The following LRP5 variants were observed in gnomAD, a reference collection of about 807,000 sequenced individuals.
The protein encoded by LRP5 is LDL receptor related protein 5.
Under a neutral mutation model 154.1 loss-of-function variants are expected in LRP5, and 62 were observed. The ratio of observed to expected loss-of-function variants is 0.40; its 90% CI spans 0.33 to 0.50. The LOEUF (loss-of-function observed/expected upper bound fraction) is 0.50, where lower values mean the gene tolerates loss of function less well. Ranked by LOEUF, LRP5 falls within the 20% of genes least tolerant of loss-of-function variation. The pLI, the probability that LRP5 is intolerant of heterozygous loss-of-function variation, is 0.55. For synonymous variants in LRP5, 966 were observed against 1,011.5 expected (o/e 0.96, Z 0.85); for missense variants, 1,915 against 2,336.7 (o/e 0.82, Z 3.72).
At chr11:68,301,493 T>A in the LRP5 span, among the ~76,000 whole-genome samples, 1 of 148,772 alleles carries the variant, frequency 6.7e-6, no homozygotes, top group African/African-American at 2.4e-5. Context: ...AATAAATAAA[T>A]AAAAATAAAT....
chr11:68,439,517 G>T (rs1007735578), intron 20 of LRP5, among the ~76,000 whole-genome samples: 3 of 152,156 alleles, frequency 2.0e-5, no homozygotes, highest in Non-Finnish European at 4.4e-5. Context: ...GTGCTGCCCC[G>T]CCTGGGTTCC....
intron 9 of LRP5, 44 bp from the exon 10 acceptor site, chr11:68,409,870 C>G (rs369683160): frequency 3.0e-6 from 4 of 1,346,494 alleles, no homozygotes; most frequent in Non-Finnish European, 4.3e-6. Flanking sequence ...AAAAAAGATG[C>G]TGGTTCCTAA....
At chr11:68,394,498 C>T (rs572679400) in intron 7 of LRP5, among the ~76,000 whole-genome samples, 50 of 151,300 alleles carry the variant, frequency 3.3e-4, no homozygotes, top group South Asian at 1.3e-3. Flanking sequence ...TGGAGTCTCG[C>T]TCTCTTGCCC....
At position 68,344,615 on chromosome 11, in the gene LRP5, C is replaced by T. The variant is rs111847238; in HGVS notation, c.92-3232C>T. Among the ~76,000 whole-genome samples the T allele has an allele frequency of 4.2e-3, 629 of 151,284 alleles. 6 individuals carry two copies. The highest frequency in any genetic ancestry group is 0.014 in the African/African-American group (558 of 41,226). ...GATGACAGGTGTGAGCCACCGTGCC[C>T]GGCCCAGAACTCTTTAATTCCCACC... On this transcript the variant is annotated intron_variant, in intron 1 of 22. Coordinates refer to ENST00000294304, the MANE Select transcript of LRP5 (RefSeq NM_002335.4).
chr11:68,411,645 G>A (rs1178932236), intron 11 of LRP5, 25 bp downstream of exon 11: 3 of 1,595,396 alleles, frequency 1.9e-6, no homozygotes, highest in Non-Finnish European at 2.6e-6. Context: ...GGGGCCTTCT[G>A]GTCATGGAGG....
rs118098532 is a variant in LRP5, at chr11:68,362,504, C to T, written c.687-1243C>T. Among the ~76,000 whole-genome samples the T allele has an allele frequency of 2.6e-3, 392 of 152,118 alleles. 13 individuals carry two copies. The East Asian group carries it at 0.066, about 26-fold the overall frequency. On this transcript the variant is annotated intron_variant, in intron 3 of 22. Coordinates refer to ENST00000294304, the MANE Select transcript of LRP5 (RefSeq NM_002335.4). ...TCAAGACCAGCCTTGGGCAACATGG[C>T]GAAACCCTGTCTCTACCAAAAAGAT... is the stretch of plus-strand genomic sequence containing the variant.
chr11:68,433,338 C>G (rs1374540751), intron 17 of LRP5, among the ~76,000 whole-genome samples: 1 of 152,236 alleles, frequency 6.6e-6, no homozygotes, highest in Non-Finnish European at 1.5e-5. Flanking sequence ...CACCCTTTCC[C>G]TTCTGCATTG....
rs11382677 is a variant in LRP5, at chr11:68,338,867, G to GTTTTT, written c.92-8960_92-8956dup. Among the ~76,000 whole-genome samples, 124 of 91,944 alleles carry GTTTTT rather than the reference G, an allele frequency of 1.3e-3. 4 individuals carry two copies. Among genetic ancestry groups the GTTTTT allele is most frequent in the African/African-American group, 2.3e-3 (50 of 21,566 alleles). The allele number at this position is 91,944 out of a possible 152,430, so 60.3% of individuals were successfully genotyped here. A position where few individuals can be genotyped will look rare whatever the true frequency, so the allele number is the denominator to read the frequency against. Reference sequence around the variant, plus strand: ...TCATTGGTTTTTTTGCTTTTGTTTAGTTTTTTTTTTTTTTTTTTTTTTTTG... The same window carrying GTTTTT: ...TCATTGGTTTTTTTGCTTTTGTTTAGTTTTTTTTTTTTTTTTTTTTTTTTTTTTTG... On this transcript the variant is annotated intron_variant, in intron 1 of 22. Transcript: ENST00000294304.
chr11:68,436,824 G>A (rs2153180460), intron 18 of LRP5, 65 bp from the exon 19 acceptor site: 1 of 1,185,488 alleles, frequency 8.4e-7, no homozygotes, highest in Non-Finnish European at 1.3e-6. Context: ...CTTGGTTGCT[G>A]TGCCCTGCAT....
intron 20 of LRP5, 50 bp downstream of exon 20, chr11:68,438,732 T>C (rs928374995): frequency 1.9e-5 from 29 of 1,545,650 alleles, no homozygotes; most frequent in Non-Finnish European, 2.6e-5. Context: ...GAGAGTAGTC[T>C]GGGCAGCTTT....
chr11:68,397,973 T>TGTGTGTGTGC (rs2098650422), intron 7 of LRP5, among the ~76,000 whole-genome samples: 1 of 2,884 alleles, frequency 3.5e-4, no homozygotes, highest in Admixed American at 9.3e-3. Context: ...TGTGTGTGTT[T>TGTGTGTGTGC]GTGTGTGTGT....
At chr11:68,429,379 T>G (rs2098670695) in intron 16 of LRP5, among the ~76,000 whole-genome samples, 196 bp from the exon 17 acceptor site, 1 of 152,120 alleles carries the variant, frequency 6.6e-6, no homozygotes, top group Non-Finnish European at 1.5e-5. Flanking sequence ...CGGCATCCAT[T>G]TGTGTGTCAA....
Position 68,403,981 on chromosome 11 carries a change from G to A in LRP5, c.1801+282G>A, listed in dbSNP as rs552658028. ...CCCGGCCCTGGCCGGGAGCCTTCGT[G>A]CCCACAGTGACCCCGTCTGCAAATG... On this transcript the variant is annotated intron_variant, in intron 8 of 22. Coordinates refer to ENST00000294304, the MANE Select transcript of LRP5 (RefSeq NM_002335.4). 1.5e-4 allele frequency: 82 copies of A among 536,004 alleles called. 1 individual carries two copies. The highest frequency in any genetic ancestry group is 1.4e-3 in the African/African-American group (75 of 52,906). The allele number at this position is 536,004 out of a possible 1,614,324, so 33.2% of individuals were successfully genotyped here. A position where few individuals can be genotyped will look rare whatever the true frequency, so the allele number is the denominator to read the frequency against.
intron 17 of LRP5, among the ~76,000 whole-genome samples, chr11:68,432,629 G>A (rs1033190830): frequency 1.3e-5 from 2 of 152,244 alleles, no homozygotes; most frequent in Admixed American, 6.5e-5. Context: ...CTTGGCGGGG[G>A]CTTTGCTCAG....
intron 1 of LRP5, among the ~76,000 whole-genome samples, chr11:68,344,849 CTTTTTTTTT>C (rs58477287): frequency 0.027 from 1,791 of 65,150 alleles, 26 homozygotes; most frequent in African/African-American, 0.11. Context: ...GAATCTCTCT[CTTTTTTTTT>C]TTTTTTTTTT....
At chr11:68,443,271 G>A (rs2098679099) in intron 21 of LRP5, among the ~76,000 whole-genome samples, 1 of 151,758 alleles carries the variant, frequency 6.6e-6, no homozygotes, top group African/African-American at 2.4e-5. Flanking sequence ...AGGAGGCTGA[G>A]ATGAGCGGAT....
intron 19 of LRP5, 25 bp downstream of exon 19, chr11:68,437,024 A>T: frequency 6.3e-7 from 1 of 1,599,926 alleles, no homozygotes; most frequent in Non-Finnish European, 8.6e-7. Context: ...GGCACGGGGA[A>T]GGGGCGTCCG....
intron 8 of LRP5, chr11:68,404,458 T>C (rs1477439975): frequency 2.0e-6 from 1 of 495,722 alleles, no homozygotes. Context: ...CGGGTGGATG[T>C]GATGTCAGAT....
At chr11:68,406,281 G>A (rs1179194562) in intron 8 of LRP5, among the ~76,000 whole-genome samples, 1 of 152,228 alleles carries the variant, frequency 6.6e-6, no homozygotes, top group African/African-American at 2.4e-5. Context: ...TGTGTGGCGG[G>A]AATAAAGCTG....
Sources: gnomAD v4.1 joint callset for allele counts (sites outside exome capture counted in the v4.1 genomes callset) on GRCh38, gnomAD v4.1.1 for gene constraint, MANE v1.5 for transcripts, NCBI Gene and HGNC (gene_info 2026-07-23, HGNC 2026-07-21) for gene names.